The following ASIC2 variants were observed in gnomAD, a reference collection of about 807,000 sequenced individuals.
ASIC2 encodes the protein acid sensing ion channel subunit 2.
Under a neutral mutation model 57.3 loss-of-function variants are expected in ASIC2, and 25 were observed. The ratio of observed to expected loss-of-function variants is 0.44; its 90% confidence interval spans 0.32 to 0.61. The LOEUF (loss-of-function observed/expected upper bound fraction) is 0.61, where lower values mean the gene tolerates loss of function less well. Among genes scored for constraint, ASIC2 ranks in the 20% least tolerant of loss-of-function variants. The pLI is 0.06. For synonymous variants in ASIC2, 319 were observed against 307.5 expected (o/e 1.04, Z -0.39); for missense variants, 641 against 738.1 (o/e 0.87, Z 1.52).
intron 1 of ASIC2, among the ~76,000 whole-genome samples, chr17:33,838,716 G>A (rs1913342958): frequency 6.6e-6 from 1 of 152,160 alleles, no homozygotes; most frequent in Admixed American, 6.5e-5. Context: ...TCTCACACAT[G>A]CTCTGGATCA....
chr17:33,952,800 C>T (rs77460549), intron 1 of ASIC2, among the ~76,000 whole-genome samples: 97 of 152,210 alleles, frequency 6.4e-4, no homozygotes, highest in African/African-American at 2.2e-3. Flanking sequence ...TAGGATTAAA[C>T]AAACTATGTA....
intron 1 of ASIC2, among the ~76,000 whole-genome samples, chr17:33,464,473 T>A (rs1912748410): frequency 1.2e-5 from 1 of 86,612 alleles, no homozygotes; most frequent in East Asian, 2.9e-4. Flanking sequence ...CTTTCTTTCT[T>A]TCTTTTCTCT....
intron 1 of ASIC2, among the ~76,000 whole-genome samples, chr17:33,619,525 A>C (rs1196674551): frequency 6.6e-6 from 1 of 152,224 alleles, no homozygotes; most frequent in African/African-American, 2.4e-5. Flanking sequence ...ATTTATAGGC[A>C]AGTGATTGCA....
At chr17:33,300,826 A>G (rs1446387489) in intron 1 of ASIC2, among the ~76,000 whole-genome samples, 1 of 152,140 alleles carries the variant, frequency 6.6e-6, no homozygotes, top group African/African-American at 2.4e-5. Flanking sequence ...AGTCATCTTA[A>G]CGAGCATGCA....
chr17:33,659,787 G>A lies in ASIC2; in HGVS notation c.555+496191C>T, dbSNP rs575372806. 4.6e-5 allele frequency among the ~76,000 whole-genome samples: 7 copies of A among 152,038 alleles called. 1 individual carries two copies. The South Asian group carries it at 1.2e-3, about 27-fold the overall frequency. On this transcript the variant is annotated intron_variant, in intron 1 of 9. Transcript: ENST00000359872. ...CTGGGGAGGCTGAGGCAGGAGAATG[G>A]CGTGAACCCAGGAGGCGAAGCTTGC...
In ASIC2 at chr17:33,329,964, A is replaced by G. The variant is rs377046597; in HGVS notation, c.556-217897T>C. 1.2e-4 allele frequency among the ~76,000 whole-genome samples: 18 copies of G among 152,310 alleles called. No homozygotes were observed. In the South Asian group the frequency reaches 3.7e-3, roughly 32 times the overall value. On this transcript the variant is annotated intron_variant, in intron 1 of 9. Transcript: ENST00000359872. ...TCCTCTCACCCCCTATGGTTTAGGC[A>G]TGAATGTGCATTCCTAGATATCCTA...
At chr17:33,388,218 C>G (rs1398432994) in intron 1 of ASIC2, among the ~76,000 whole-genome samples, 1 of 152,258 alleles carries the variant, frequency 6.6e-6, no homozygotes, top group African/African-American at 2.4e-5. Context: ...CAGCAGCCAG[C>G]AGAAGCTGAA....
intron 1 of ASIC2, among the ~76,000 whole-genome samples, chr17:33,300,862 T>TC (rs1215030709): frequency 6.6e-6 from 1 of 152,188 alleles, no homozygotes; most frequent in Non-Finnish European, 1.5e-5. Flanking sequence ...GAAATTGAGG[T>TC]AAGTTTAGTG....
At chr17:33,776,132 C>CAAAAAAAA (rs35541526) in intron 1 of ASIC2, among the ~76,000 whole-genome samples, 1 of 127,498 alleles carries the variant, frequency 7.8e-6, no homozygotes, top group Non-Finnish European at 1.6e-5. Flanking sequence ...GACTCTGTCT[C>CAAAAAAAA]AAAAAAAAAA....
intron 1 of ASIC2, among the ~76,000 whole-genome samples, chr17:33,879,762 A>C (rs1355395460): frequency 1.3e-5 from 2 of 152,244 alleles, no homozygotes; most frequent in Non-Finnish European, 2.9e-5. Context: ...GACCTTGTAG[A>C]CATCTACAGA....
chr17:33,961,432 G>A (rs1006621237), intron 1 of ASIC2, among the ~76,000 whole-genome samples: 8 of 152,194 alleles, frequency 5.3e-5, no homozygotes, highest in African/African-American at 9.7e-5. Context: ...AGAGAGCTTA[G>A]CCCGAGCTTA....
At chr17:33,150,710 C>T (rs559448995) in intron 1 of ASIC2, among the ~76,000 whole-genome samples, 14,090 of 98,266 alleles carry the variant, frequency 0.14, 1,412 homozygotes, top group East Asian at 0.21. Context: ...ATTAGCCGGG[C>T]GTAGTGGCGG....
chr17:34,093,286 C>G (rs1186163988), intron 1 of ASIC2, among the ~76,000 whole-genome samples: 2 of 152,168 alleles, frequency 1.3e-5, no homozygotes, highest in East Asian at 1.9e-4. Flanking sequence ...TCTGTTTGGG[C>G]TCCATGCTTA....
chr17:33,232,436 TATGGTATGGA>T lies in ASIC2; in HGVS notation c.708+58962_708+58971del, dbSNP rs1400635757. On this transcript the variant is annotated intron_variant, in intron 1 of 9. Coordinates refer to ENST00000225823, the MANE Select transcript of ASIC2 (RefSeq NM_183377.2). ...TATGGTATGGTATGGTATGGTATGG[TATGGTATGGA>T]ATGGTATGGTATGGTATGGTATGGT... 3.0e-5 allele frequency among the ~76,000 whole-genome samples: 4 copies of T among 132,278 alleles called. No individual in the cohort carries two copies. The East Asian group carries it at 6.4e-4, about 21-fold the overall frequency. 86.8% of individuals were successfully genotyped at this position (132,278 alleles called of 152,430 possible).
At chr17:33,025,850 C>A (rs1212502687) in intron 5 of ASIC2, 76 bp downstream of exon 5, 1 of 1,420,638 alleles carries the variant, frequency 7.0e-7, no homozygotes, top group Non-Finnish European at 9.5e-7. Context: ...GATCTTTCCC[C>A]AAACCCAGAT....
chr17:34,038,018 T>C (rs1167379925), intron 1 of ASIC2: 2 of 1,613,428 alleles, frequency 1.2e-6, no homozygotes, highest in Non-Finnish European at 1.7e-6. Flanking sequence ...TAAATACCAA[T>C]AAGTACCAGC....
intron 1 of ASIC2, among the ~76,000 whole-genome samples, chr17:34,108,532 G>T (rs2072810510): frequency 6.6e-6 from 1 of 152,064 alleles, no homozygotes; most frequent in African/African-American, 2.4e-5. Flanking sequence ...AGTTTACTAT[G>T]ACTTGTTTAT....
At chr17:33,558,208 C>CG (rs1420019240) in intron 1 of ASIC2, among the ~76,000 whole-genome samples, 1 of 150,390 alleles carries the variant, frequency 6.6e-6, no homozygotes, top group Non-Finnish European at 1.5e-5. Flanking sequence ...CAGCTGGGCC[C>CG]GGGGGGCCAC....
intron 1 of ASIC2, among the ~76,000 whole-genome samples, chr17:33,229,796 A>G (rs992941533): frequency 6.6e-6 from 1 of 152,194 alleles, no homozygotes; most frequent in African/African-American, 2.4e-5. Flanking sequence ...CTGTACAATG[A>G]GCGAATCAGA....
Sources: gnomAD v4.1 joint callset for allele counts (sites outside exome capture counted in the v4.1 genomes callset) on GRCh38, gnomAD v4.1.1 for gene constraint, MANE v1.5 for transcripts, NCBI Gene and HGNC (gene_info 2026-07-23, HGNC 2026-07-21) for gene names.